CARS2: variants seen among roughly 807,000 people sequenced by gnomAD.
CARS2 encodes cysteinyl-tRNA synthetase 2, mitochondrial.
In CARS2, 52 loss-of-function variants were observed where a neutral mutation model predicts 68.8. The observed-to-expected ratio is 0.76, with a 90% confidence interval of 0.61 to 0.95. CARS2 has a LOEUF of 0.95. Among genes scored for constraint, CARS2 ranks in the 40% least tolerant of loss-of-function variants. The pLI, the probability that CARS2 is intolerant of heterozygous loss-of-function variation, is 0.00. For synonymous variants in CARS2, 314 were observed against 303.6 expected (o/e 1.03, Z -0.36); for missense variants, 780 against 754.2 (o/e 1.03, Z -0.40).
Position 110,701,607 on chromosome 13 carries a change from T to C in CARS2, c.276-52A>G, listed in dbSNP as rs371070215. 5.9e-6 allele frequency: 5 copies of C among 852,284 alleles called. No homozygotes were observed. In the African/African-American group the frequency reaches 8.3e-5, roughly 14 times the overall value. The allele number at this position is 852,284 out of a possible 1,614,324, so 52.8% of individuals were successfully genotyped here. On this transcript the variant is annotated intron_variant, in intron 2 of 14. Transcript: ENST00000257347. ...CTTTATTACACAAAGTCATCAGTTA[T>C]CTTTGTAAAAAATCCATTACATTTT...
At chr13:110,659,725 A>G (rs1566669137) in intron 9 of CARS2, among the ~76,000 whole-genome samples, 1 of 152,232 alleles carries the variant, frequency 6.6e-6, no homozygotes, top group Non-Finnish European at 1.5e-5. Context: ...TAATGAAAAA[A>G]TATTTTATTG....
intron 2 of CARS2, among the ~76,000 whole-genome samples, chr13:110,703,795 T>A (rs1566361246): frequency 6.6e-6 from 1 of 152,262 alleles, no homozygotes; most frequent in African/African-American, 2.4e-5. Context: ...TACCTTGTCA[T>A]CTGACTCCAC....
At chr13:110,701,657 T>C in intron 2 of CARS2, 102 bp from the exon 3 acceptor site, 2 of 706,898 alleles carry the variant, frequency 2.8e-6, no homozygotes, top group Non-Finnish European at 5.2e-6. Context: ...TAACTTCTAC[T>C]GTGTAGCACA....
chr13:110,644,542 C>T (rs1447856762), intron 12 of CARS2, 59 bp from the exon 13 acceptor site: 25 of 1,601,030 alleles, frequency 1.6e-5, no homozygotes, highest in East Asian at 4.5e-5. Flanking sequence ...AGTGGGCAAA[C>T]GGAATTCAAT....
intron 12 of CARS2, chr13:110,645,728 C>G: frequency 2.1e-6 from 1 of 470,542 alleles, no homozygotes; most frequent in Non-Finnish European, 3.7e-6. Context: ...ATTTCTCAGC[C>G]TCAGGGGCTC....
In CARS2 at chr13:110,646,107, G is replaced by C. The variant is rs377292484; in HGVS notation, c.1194-17C>G. On this transcript the variant is annotated splice_polypyrimidine_tract_variant and intron_variant, in intron 11 of 14. Coordinates refer to ENST00000257347, the MANE Select transcript of CARS2 (RefSeq NM_024537.4). ...CTGGAGAGCCTGAGGGAAGAGGAGA[G>C]AACAGTCACAGCAGAGGGAGCTCCA... 119 of 1,610,548 alleles carry C rather than the reference G, an allele frequency of 7.4e-5. No individual in the cohort carries two copies. The highest frequency in any genetic ancestry group is 9.7e-5 in the Non-Finnish European group (114 of 1,178,852).
At chr13:110,712,640 G>T in intron 1 of CARS2, 1 of 565,886 alleles carries the variant, frequency 1.8e-6, no homozygotes, top group Non-Finnish European at 3.3e-6. Context: ...GAGGGGCGAC[G>T]CGGGGGAGGG....
intron 7 of CARS2, among the ~76,000 whole-genome samples, chr13:110,674,325 G>A (rs2062884069): frequency 6.6e-6 from 1 of 151,816 alleles, no homozygotes; most frequent in African/African-American, 2.4e-5. Flanking sequence ...TATACTACAA[G>A]GCTACAGTAA....
chr13:110,707,459 C>T (rs138807445), upstream of CARS2: 2,736 of 152,234 alleles, frequency 0.018, 62 homozygotes, highest in Middle Eastern at 0.14. Flanking sequence ...CCAGCCTGAC[C>T]AATATGGTGA....
intron 3 of CARS2, among the ~76,000 whole-genome samples, chr13:110,691,595 A>C (rs1000384965): frequency 6.6e-6 from 1 of 151,862 alleles, no homozygotes. Flanking sequence ...GCCTCTATCT[A>C]CCTCTGGCTT....
chr13:110,699,936 G>T (rs1421353267), intron 3 of CARS2, among the ~76,000 whole-genome samples: 1 of 152,218 alleles, frequency 6.6e-6, no homozygotes, highest in Non-Finnish European at 1.5e-5. Context: ...CACACTCCAG[G>T]TGTGGGCCAG....
At chr13:110,666,934 G>A (rs1161292886) in intron 8 of CARS2, 20 of 985,324 alleles carry the variant, frequency 2.0e-5, no homozygotes, top group Non-Finnish European at 2.0e-5. Context: ...GACAGCTGGG[G>A]TTCATCAGTT....
intron 3 of CARS2, among the ~76,000 whole-genome samples, chr13:110,698,641 G>A (rs990683228): frequency 6.6e-6 from 1 of 152,130 alleles, no homozygotes; most frequent in Non-Finnish European, 1.5e-5. Flanking sequence ...AGTATTAAGA[G>A]GTGAGAACTT....
chr13:110,667,602 GC>G, intron 7 of CARS2, 129 bp from the exon 8 acceptor site: 1 of 749,402 alleles, frequency 1.3e-6, no homozygotes, highest in South Asian at 2.6e-5. Flanking sequence ...GCATCAATTT[GC>G]ATGATAATTT....
chr13:110,705,848 GC>G lies in CARS2; in HGVS notation c.224+21del. 1.3e-6 allele frequency: 2 copies of G among 1,542,858 alleles called. No homozygotes were observed. The highest frequency in any genetic ancestry group is 8.7e-7 in the Non-Finnish European group (1 of 1,146,544). ...TCCGCCACGATCGGCCCCCGCCCGT[GC>G]CCCAGTCCCGCGCGGCCCACCAGGA... On this transcript the variant is annotated intron_variant, in intron 1 of 14. Coordinates refer to ENST00000257347, the MANE Select transcript of CARS2 (RefSeq NM_024537.4). This position sits in a 1 kb window ranked among gnomAD's most constrained non-coding sequence, Gnocchi z 4.0.
chr13:110,663,554 G>T (rs1405989504), intron 8 of CARS2, 36 bp from the exon 9 acceptor site: 4 of 1,607,644 alleles, frequency 2.5e-6, no homozygotes, highest in African/African-American at 1.3e-5. Flanking sequence ...TCTGAGCTGG[G>T]TGAGGAGACT....
At chr13:110,702,574 A>G (rs568484723) in intron 2 of CARS2, among the ~76,000 whole-genome samples, 1 of 152,358 alleles carries the variant, frequency 6.6e-6, no homozygotes, top group East Asian at 1.9e-4. Flanking sequence ...AGGAACCTAA[A>G]GCAAATGAAA....
At chr13:110,710,839 T>C (rs1330183567), upstream of CARS2, among the ~76,000 whole-genome samples, 1 of 152,210 alleles carries the variant, frequency 6.6e-6, no homozygotes, top group Non-Finnish European at 1.5e-5. Flanking sequence ...CAATATTCCT[T>C]GTTGAATGCT....
chr13:110,670,537 A>C lies in CARS2; in HGVS notation c.786-3064T>G, dbSNP rs2062774188. ...ACTAACAAACAGAAAGGACATCCACACCAAAACCCCATCTGTATGTCACCA... is the reference window on the plus strand; with the variant it reads ...ACTAACAAACAGAAAGGACATCCACCCCAAAACCCCATCTGTATGTCACCA... On this transcript the variant is annotated intron_variant, in intron 7 of 14. Coordinates refer to ENST00000257347, the MANE Select transcript of CARS2 (RefSeq NM_024537.4). The surrounding 1 kb of genome is among the most constrained non-coding windows in gnomAD (Gnocchi z 4.1). 6.6e-6 allele frequency among the ~76,000 whole-genome samples: 1 copy of C among 152,196 alleles called. No homozygotes were observed. Among genetic ancestry groups the C allele is most frequent in the Admixed American group, 6.5e-5 (1 of 15,280 alleles).
Sources: gnomAD v4.1 joint callset for allele counts (sites outside exome capture counted in the v4.1 genomes callset) on GRCh38, gnomAD v4.1.1 for gene constraint, Gnocchi (gnomAD v3.1) non-coding constraint, MANE v1.5 for transcripts, NCBI Gene and HGNC (gene_info 2026-07-23, HGNC 2026-07-21) for gene names.